Variants in FRMD3 observed in about 807,000 individuals in gnomAD.
The protein encoded by FRMD3 is FERM domain containing 3.
A neutral mutation model predicts 70.2 loss-of-function variants in FRMD3; 33 were observed. That is an observed-to-expected ratio of 0.47 (90% CI 0.36 to 0.63). The LOEUF (loss-of-function observed/expected upper bound fraction) is 0.63. Ranked by LOEUF, FRMD3 falls within the 20% of genes least tolerant of loss-of-function variation. The pLI is 0.00. For synonymous variants in FRMD3, 279 were observed against 255.9 expected (o/e 1.09, Z -0.86); for missense variants, 632 against 711.4 (o/e 0.89, Z 1.27).
chr9:83,565,171 G>T, the FRMD3 span, among the ~76,000 whole-genome samples: 1 of 152,140 alleles, frequency 6.6e-6, no homozygotes, highest in Non-Finnish European at 1.5e-5. Flanking sequence ...ATTATTCGCT[G>T]AAGTATTCCA....
the FRMD3 span, among the ~76,000 whole-genome samples, chr9:83,570,990 C>T: frequency 6.6e-6 from 1 of 152,156 alleles, no homozygotes; most frequent in African/African-American, 2.4e-5. Context: ...TCTGTCCCTG[C>T]ACAAACTCAT....
intron 5 of FRMD3, among the ~76,000 whole-genome samples, chr9:83,339,716 C>T (rs1823693486): frequency 6.6e-6 from 1 of 152,170 alleles, no homozygotes; most frequent in African/African-American, 2.4e-5. Flanking sequence ...ATCTAACCAA[C>T]AACGCAGGGT....
At chr9:83,488,972 TTG>T (rs4014025) in intron 1 of FRMD3, among the ~76,000 whole-genome samples, 3,732 of 135,540 alleles carry the variant, frequency 0.028, 59 homozygotes, top group East Asian at 0.055. Flanking sequence ...CCCTATACCT[TTG>T]TGTGTGTGTG....
At chr9:83,337,055 T>G (rs911321841) in intron 5 of FRMD3, among the ~76,000 whole-genome samples, 4 of 152,126 alleles carry the variant, frequency 2.6e-5, no homozygotes, top group African/African-American at 7.2e-5. Flanking sequence ...ATGTTAAGTC[T>G]CCACCCAAAA....
At chr9:83,575,202 A>T in the FRMD3 span, among the ~76,000 whole-genome samples, 1 of 152,330 alleles carries the variant, frequency 6.6e-6, no homozygotes, top group African/African-American at 2.4e-5. Context: ...CAAAGAACTT[A>T]AGGGAAAAAA....
chr9:83,352,813 C>T (rs1453402077), intron 3 of FRMD3, among the ~76,000 whole-genome samples: 1 of 152,204 alleles, frequency 6.6e-6, no homozygotes, highest in African/African-American at 2.4e-5. Context: ...TGTCAATGGT[C>T]TCCTCTCAGT....
chr9:83,373,398 G>A (rs1318668022), intron 2 of FRMD3, among the ~76,000 whole-genome samples: 2 of 152,188 alleles, frequency 1.3e-5, no homozygotes, highest in Non-Finnish European at 2.9e-5. Context: ...CCCTTAAGAG[G>A]AATATTGGGC....
chr9:83,332,032 A>C (rs747741140), intron 6 of FRMD3: 28 of 640,396 alleles, frequency 4.4e-5, no homozygotes, highest in Non-Finnish European at 7.6e-5. Flanking sequence ...TCCCTGAGTG[A>C]CAATGGTGGG....
intron 12 of FRMD3, among the ~76,000 whole-genome samples, chr9:83,297,183 A>G (rs775017580): frequency 1.4e-4 from 21 of 152,350 alleles, no homozygotes; most frequent in Middle Eastern, 6.8e-3. Flanking sequence ...TATTGCAAAA[A>G]AAGTGTCCTG....
intron 1 of FRMD3, among the ~76,000 whole-genome samples, chr9:83,415,717 C>T (rs140000517): frequency 0.028 from 4,148 of 150,580 alleles, 89 homozygotes; most frequent in Non-Finnish European, 0.035. Context: ...GCCTCGGCCT[C>T]CCAAATTGCT....
intron 6 of FRMD3, 103 bp downstream of exon 6, chr9:83,335,413 T>C: frequency 8.0e-7 from 1 of 1,249,080 alleles, no homozygotes; most frequent in Non-Finnish European, 1.1e-6. Context: ...AGCCTATCCA[T>C]ACATTACAAA....
intron 1 of FRMD3, among the ~76,000 whole-genome samples, chr9:83,431,744 A>G (rs1286786535): frequency 6.6e-6 from 1 of 151,598 alleles, no homozygotes; most frequent in East Asian, 1.9e-4. Context: ...CTCCCTTACT[A>G]TTTTGTCTTC....
intron 13 of FRMD3, among the ~76,000 whole-genome samples, chr9:83,284,155 A>G (rs1834098755): frequency 6.7e-6 from 1 of 150,166 alleles, no homozygotes; most frequent in Non-Finnish European, 1.5e-5. Flanking sequence ...ATGAAAAATA[A>G]GGCAAACAGC....
intron 1 of FRMD3, among the ~76,000 whole-genome samples, chr9:83,403,595 G>T (rs564066399): frequency 2.0e-5 from 3 of 152,078 alleles, no homozygotes; most frequent in African/African-American, 7.2e-5. Context: ...CACTTCATTG[G>T]TATACATGTG....
Position 83,246,583 on chromosome 9 carries a change from A to C in FRMD3, c.*1335T>G. ...AATTTTAAAACAACTGGGAAAGGAA[A>C]GGAGTATAATGACCACCGCAAAACA... On this transcript the variant is annotated 3_prime_UTR_variant, in exon 14 of 14. Transcript: ENST00000304195. 2 of 985,130 alleles carry C rather than the reference A, an allele frequency of 2.0e-6. No homozygotes were observed. Among genetic ancestry groups the C allele is most frequent in the African/African-American group, 1.7e-5 (1 of 57,280 alleles). The allele number at this position is 985,130 out of a possible 1,614,324, so 61.0% of individuals were successfully genotyped here. A position where few individuals can be genotyped will look rare whatever the true frequency, so the allele number is the denominator to read the frequency against.
At chr9:83,427,526 A>T (rs1324676658) in intron 1 of FRMD3, among the ~76,000 whole-genome samples, 1 of 152,200 alleles carries the variant, frequency 6.6e-6, no homozygotes, top group African/African-American at 2.4e-5. Flanking sequence ...TGATTCATTC[A>T]ATACTCATCA....
the FRMD3 span, among the ~76,000 whole-genome samples, chr9:83,555,165 G>A: frequency 1.3e-5 from 2 of 152,164 alleles, no homozygotes; most frequent in East Asian, 3.9e-4. Flanking sequence ...TGTGCTGGGG[G>A]TCCACTTTGG....
intron 1 of FRMD3, among the ~76,000 whole-genome samples, chr9:83,433,074 T>C (rs1827029074): frequency 6.6e-6 from 1 of 152,226 alleles, no homozygotes; most frequent in South Asian, 2.1e-4. Flanking sequence ...ATTTTTTTCT[T>C]TTTAGTGGCT....
rs186661557 is a variant in FRMD3 at position 83,455,300 on chromosome 9, T to G, written c.148-65592A>C. ...TTTTTAAATTGTATATTGATATGGTTTGGCTGTGTCCCCTCCCAAATCTCA... is the reference window on the plus strand; with the variant it reads ...TTTTTAAATTGTATATTGATATGGTGTGGCTGTGTCCCCTCCCAAATCTCA... On this transcript the variant is annotated intron_variant, in intron 1 of 13. Coordinates refer to ENST00000304195, the MANE Select transcript of FRMD3 (RefSeq NM_174938.6). Among the ~76,000 whole-genome samples, 74 of 152,318 alleles carry G rather than the reference T, an allele frequency of 4.9e-4. No homozygotes were observed. In the East Asian group the frequency reaches 9.1e-3, roughly 19 times the overall value.
Sources: allele counts gnomAD v4.1 joint callset (sites outside exome capture counted in the v4.1 genomes callset), GRCh38; gene constraint gnomAD v4.1.1; transcripts MANE v1.5; gene names NCBI Gene and HGNC (gene_info 2026-07-23, HGNC 2026-07-21).